MGME1: variants seen among roughly 807,000 people sequenced by gnomAD.
The protein encoded by MGME1 is chromosome 20 open reading frame 72.
In MGME1, 22 loss-of-function variants were observed where a neutral mutation model predicts 33.0. The ratio of observed to expected loss-of-function variants is 0.67; its 90% CI spans 0.48 to 0.95. The LOEUF (loss-of-function observed/expected upper bound fraction) is 0.95, where lower values mean the gene tolerates loss of function less well. Among genes scored for constraint, MGME1 ranks in the 40% least tolerant of loss-of-function variants. The probability of loss-of-function intolerance (pLI) is 0.00; values close to 1 mark genes in which losing one functional copy is unlikely to be tolerated. For synonymous variants in MGME1, 133 were observed against 144.0 expected, an observed-to-expected ratio of 0.92 and a Z score of 0.55; for missense variants, 383 against 397.8, an observed-to-expected ratio of 0.96 and a Z score of 0.32.
intron 4 of MGME1, among the ~76,000 whole-genome samples, chr20:17,989,663 CAAAAA>C (rs1366251792): frequency 1.4e-5 from 2 of 147,088 alleles, no homozygotes; most frequent in Non-Finnish European, 3.0e-5. Context: ...GATCCTGTCT[CAAAAA>C]AGAAAAAAAA....
At position 17,975,863 on chromosome 20, in the gene MGME1, T is replaced by G; in HGVS notation, c.691T>G (p.Leu231Val). The change falls in exon 3 of 5, where the codon TTA becomes GTA. Residue 231 changes from leucine (L) to valine (V), a missense_variant. Transcript: ENST00000377710. ...TGAAAGTGCTGTTCAACATGAAACC[T>G]TAAACTATATAGGTCTGCTGGACTG... ...ALESAVQHET[L>V]NYIGLLDCVA... is the part of the protein sequence containing the mutation. 1 of 1,614,118 alleles carries G rather than the reference T, an allele frequency of 6.2e-7. No homozygotes were observed. Among genetic ancestry groups the G allele is most frequent in the Non-Finnish European group, 8.5e-7 (1 of 1,179,988 alleles).
intron 2 of MGME1, 138 bp downstream of exon 2, chr20:17,970,508 A>AGTGC: frequency 2.6e-6 from 2 of 772,454 alleles, no homozygotes; most frequent in Non-Finnish European, 4.1e-6. Flanking sequence ...TTAACATTAA[A>AGTGC]TAGCACTTTA....
At chr20:17,976,041 G>A (rs1369782641) in intron 3 of MGME1, 138 bp downstream of exon 3, 2 of 677,270 alleles carry the variant, frequency 3.0e-6, no homozygotes, top group Non-Finnish European at 5.1e-6. Flanking sequence ...GTGGGGCGGG[G>A]TTGAGAACAG....
chr20:17,980,722 T>A (rs2035992283), intron 3 of MGME1, among the ~76,000 whole-genome samples: 1 of 149,744 alleles, frequency 6.7e-6, no homozygotes, highest in Admixed American at 6.7e-5. Flanking sequence ...GGCAGGAGAA[T>A]GGCGTGAACC....
intron 3 of MGME1, among the ~76,000 whole-genome samples, chr20:17,984,795 G>A (rs1049321837): frequency 3.9e-5 from 6 of 152,196 alleles, no homozygotes; most frequent in East Asian, 1.9e-4. Flanking sequence ...CAGCACTTTG[G>A]GAAACCGAGA....
At chr20:17,971,727 A>T (rs766849809) in intron 2 of MGME1, among the ~76,000 whole-genome samples, 1 of 151,074 alleles carries the variant, frequency 6.6e-6, no homozygotes, top group Non-Finnish European at 1.5e-5. Flanking sequence ...AGCTTTGTTG[A>T]TCTAGATTAG....
Position 17,990,552 on chromosome 20 carries a change from G to C in MGME1, c.*443G>C. On this transcript the variant is annotated 3_prime_UTR_variant, in exon 5 of 5. Transcript: ENST00000377710. ...CATGCCCCCAGCTGTGTGCAGGGAG[G>C]ACACATCAGCCCACTACCGCTGCCA... 5.0e-6 allele frequency: 1 copy of C among 199,470 alleles called. No homozygotes were observed. The highest frequency in any genetic ancestry group is 1.0e-5 in the Non-Finnish European group (1 of 98,328). 12.4% of individuals were successfully genotyped at this position (199,470 alleles called of 1,614,324 possible).
chr20:17,972,097 G>A (rs755364289), intron 2 of MGME1, among the ~76,000 whole-genome samples: 7 of 152,202 alleles, frequency 4.6e-5, no homozygotes, highest in Non-Finnish European at 7.4e-5. Context: ...TAAATAAAGG[G>A]ACAATTAGTG....
intron 3 of MGME1, among the ~76,000 whole-genome samples, chr20:17,982,313 T>A (rs559909316): frequency 5.3e-5 from 8 of 151,988 alleles, no homozygotes; most frequent in African/African-American, 1.9e-4. Flanking sequence ...GGAGACAGGG[T>A]TTCACCATGT....
At chr20:17,985,004 TC>T (rs1303914861) in intron 3 of MGME1, among the ~76,000 whole-genome samples, 125 of 130,566 alleles carry the variant, frequency 9.6e-4, no homozygotes, top group African/African-American at 3.3e-3. Context: ...ACCACTGCAC[TC>T]CAGCCTGGGT....
chr20:17,989,264 T>G (rs1600409616), intron 4 of MGME1, among the ~76,000 whole-genome samples: 1 of 151,908 alleles, frequency 6.6e-6, no homozygotes, highest in Non-Finnish European at 1.5e-5. Context: ...TGTGTGCCTC[T>G]AGTCCCACCT....
Position 17,988,081 on chromosome 20 carries a change from A to G in MGME1, c.732-85A>G. 16 of 1,335,438 alleles carry G rather than the reference A, an allele frequency of 1.2e-5. No homozygotes were observed. In the South Asian group the frequency reaches 2.4e-4, roughly 20 times the overall value. 82.7% of individuals were successfully genotyped at this position (1,335,438 alleles called of 1,614,324 possible). A position where few individuals can be genotyped will look rare whatever the true frequency, so the allele number is the denominator to read the frequency against. On this transcript the variant is annotated intron_variant, in intron 3 of 4. Coordinates refer to ENST00000377710, the MANE Select transcript of MGME1 (RefSeq NM_052865.4). ...AATGGTCATTGGCTGACAAGTAACA[A>G]ACTATACATAAGAGAACTGTTAACC...
Position 17,969,989 on chromosome 20 carries a change from T to C in MGME1, c.130T>C (p.Tyr44His), listed in dbSNP as rs1214140022. The change falls in exon 2 of 5, where the codon TAT (tyrosine) becomes CAT (histidine). Residue 44 changes from tyrosine (Y) to histidine (H), a missense_variant. By Grantham distance (83) the Tyr-to-His change is moderately conservative. Coordinates refer to ENST00000377710, the MANE Select transcript of MGME1 (RefSeq NM_052865.4). ...TGGCCGGAAGAAAAAAGTGAACCCATATGAAGAAGTGGACCAAGAAAAATA... is the reference window on the plus strand; with the variant it reads ...TGGCCGGAAGAAAAAAGTGAACCCACATGAAGAAGTGGACCAAGAAAAATA... ...SCGRKKKVNP[Y>H]EEVDQEKYSN... 1.2e-6 allele frequency: 2 copies of C among 1,614,162 alleles called. No individual in the cohort carries two copies. The highest frequency in any genetic ancestry group is 1.7e-6 in the Non-Finnish European group (2 of 1,180,026).
chr20:17,969,431 A>G (rs1274165166), intron 1 of MGME1, among the ~76,000 whole-genome samples: 2 of 152,252 alleles, frequency 1.3e-5, no homozygotes, highest in Admixed American at 6.5e-5. Context: ...CAGAATACTT[A>G]GCAGAGAGCC....
chr20:17,982,787 CAAT>C (rs1484484376), intron 3 of MGME1, among the ~76,000 whole-genome samples: 2 of 152,188 alleles, frequency 1.3e-5, no homozygotes, highest in African/African-American at 4.8e-5. Flanking sequence ...TTTTGACTGA[CAAT>C]AATTATATAT....
intron 2 of MGME1, among the ~76,000 whole-genome samples, chr20:17,973,749 C>G (rs2035787361): frequency 6.6e-6 from 1 of 152,086 alleles, no homozygotes; most frequent in African/African-American, 2.4e-5. Flanking sequence ...CTCTGAGTAT[C>G]TAATTGGTGA....
intron 3 of MGME1, among the ~76,000 whole-genome samples, chr20:17,979,151 A>G (rs1192813816): frequency 1.3e-5 from 2 of 151,490 alleles, no homozygotes; most frequent in East Asian, 1.9e-4. Context: ...ATCTCGGCTC[A>G]CTGCAACGTC....
In MGME1 at chr20:17,969,975, A is replaced by G; in HGVS notation, c.116A>G (p.Lys39Arg). 1.2e-6 allele frequency: 2 copies of G among 1,614,218 alleles called. No homozygotes were observed. The highest frequency in any genetic ancestry group is 4.5e-5 in the East Asian group (2 of 44,890). ...TCCTCTTACTCATGTGGCCGGAAGA[A>G]AAAAGTGAACCCATATGAAGAAGTG... ...STSSYSCGRKKKVNPYEEVDQ... is the reference protein window; with the variant it reads ...STSSYSCGRKRKVNPYEEVDQ... The change falls in exon 2 of 5, where the codon AAA (lysine) becomes AGA (arginine). Residue 39 changes from lysine to arginine, a missense_variant. Transcript: ENST00000377710.
At chr20:17,972,772 G>C (rs1191761195) in intron 2 of MGME1, 1 of 985,226 alleles carries the variant, frequency 1.0e-6, no homozygotes, top group Non-Finnish European at 1.2e-6. Flanking sequence ...AGCGAGAAAT[G>C]TATGGTCTAT....
Sources: gnomAD v4.1 joint callset for allele counts (sites outside exome capture counted in the v4.1 genomes callset) on GRCh38, gnomAD v4.1.1 for gene constraint, MANE v1.5 for transcripts, NCBI Gene and HGNC (gene_info 2026-07-23, HGNC 2026-07-21) for gene names.